SMC1B: variants seen among roughly 807,000 people sequenced by gnomAD.
The protein encoded by SMC1B is structural maintenance of chromosomes protein 1B.
In SMC1B, 60 loss-of-function variants were observed where a neutral mutation model predicts 157.9. That is an observed-to-expected ratio of 0.38 (90% CI 0.31 to 0.47). The LOEUF (loss-of-function observed/expected upper bound fraction) is 0.47. SMC1B is among the 20% of genes least tolerant of loss of function. The probability of loss-of-function intolerance (pLI) is 0.99; values close to 1 mark genes in which losing one functional copy is unlikely to be tolerated. For synonymous variants in SMC1B, 445 were observed against 483.0 expected (o/e 0.92, Z 1.03); for missense variants, 1,165 against 1,426.2 (o/e 0.82, Z 2.95).
At chr22:45,387,139 G>C in intron 10 of SMC1B, 93 bp from the exon 11 acceptor site, 1 of 1,100,218 alleles carries the variant, frequency 9.1e-7, no homozygotes, top group Non-Finnish European at 1.3e-6. Context: ...ATATACGCAT[G>C]GCAGCAAAAG....
chr22:45,406,944 A>G, intron 2 of SMC1B, 79 bp from the exon 3 acceptor site: 1 of 1,017,220 alleles, frequency 9.8e-7, no homozygotes, highest in Non-Finnish European at 1.4e-6. Flanking sequence ...GTTTAATAAA[A>G]TTATTTTTCT....
intron 1 of SMC1B, among the ~76,000 whole-genome samples, chr22:45,412,725 TC>T (rs2087358476): frequency 6.6e-6 from 1 of 152,084 alleles, no homozygotes; most frequent in African/African-American, 2.4e-5. Flanking sequence ...TCTCCAGACC[TC>T]AGTTTCCCCA....
chr22:45,397,605 T>G (rs1381422282), intron 6 of SMC1B, among the ~76,000 whole-genome samples: 5 of 152,194 alleles, frequency 3.3e-5, no homozygotes, highest in Non-Finnish European at 7.3e-5. Flanking sequence ...TGCTTACCTC[T>G]GATTGATCCC....
At chr22:45,350,883 T>C (rs2086609072) in intron 22 of SMC1B, among the ~76,000 whole-genome samples, 2 of 152,214 alleles carry the variant, frequency 1.3e-5, no homozygotes, top group Non-Finnish European at 2.9e-5. Context: ...ACCTTGATTG[T>C]GACCAGTCTC....
At chr22:45,386,573 AAACAAC>A (rs10694878) in intron 11 of SMC1B, among the ~76,000 whole-genome samples, 16 of 150,992 alleles carry the variant, frequency 1.1e-4, no homozygotes, top group African/African-American at 2.7e-4. Flanking sequence ...ATAAGGTTTA[AAACAAC>A]AACAACAACA....
chr22:45,406,901 T>C (rs760883421), intron 2 of SMC1B, 36 bp from the exon 3 acceptor site: 19 of 1,425,776 alleles, frequency 1.3e-5, no homozygotes, highest in Non-Finnish European at 8.5e-6. Flanking sequence ...AAAAAATATA[T>C]AAATACCAGA....
chr22:45,399,065 C>T (rs2146841228), intron 6 of SMC1B, 30 bp downstream of exon 6: 1 of 1,580,078 alleles, frequency 6.3e-7, no homozygotes, highest in East Asian at 2.2e-5. Context: ...AATAGAAACA[C>T]AAGATTTCCC....
rs576821321 is a variant in SMC1B at position 45,367,053 on chromosome 22, T to C, written c.2420+2901A>G. ...TTATTTTGGAGATCACCAAGTTTCC[T>C]TAAAACTTCTATTTTAAGTTCTTGA... On this transcript the variant is annotated intron_variant, in intron 15 of 24. Transcript: ENST00000357450. Among the ~76,000 whole-genome samples, 133 of 152,332 alleles carry C rather than the reference T, an allele frequency of 8.7e-4. 1 individual carries two copies. Among genetic ancestry groups the C allele is most frequent in the African/African-American group, 3.1e-3 (128 of 41,574 alleles).
chr22:45,383,534 C>G lies in SMC1B; in HGVS notation c.1991G>C (p.Arg664Thr), dbSNP rs757238581. The G allele has an allele frequency of 4.6e-5, 74 of 1,610,554 alleles. 1 individual carries two copies. The highest frequency in any genetic ancestry group is 5.8e-5 in the Non-Finnish European group (68 of 1,178,994). ...GGSSDLKYKA[R>T]CWDEKELKNL... Reference sequence around the variant, plus strand: ...CTTTAACTCTTTCTCATCCCAGCATCTAGCCTTGTATTTTAAGTCACTTGA... The same window carrying G: ...CTTTAACTCTTTCTCATCCCAGCATGTAGCCTTGTATTTTAAGTCACTTGA... Residue 664 changes from arginine to threonine, a missense_variant, in exon 12 of 25, where the codon AGA becomes ACA. Arg to Thr is a moderately conservative substitution (Grantham distance 71). Coordinates refer to ENST00000357450, the MANE Select transcript of SMC1B (RefSeq NM_148674.5).
chr22:45,371,615 A>T, intron 13 of SMC1B, 28 bp from the exon 14 acceptor site: 1 of 1,570,780 alleles, frequency 6.4e-7, no homozygotes, highest in African/African-American at 1.4e-5. Context: ...AAATTTTTTT[A>T]ACATGGCTGT....
At chr22:45,381,134 G>A (rs556693021) in intron 12 of SMC1B, among the ~76,000 whole-genome samples, 20 of 151,952 alleles carry the variant, frequency 1.3e-4, no homozygotes, top group African/African-American at 4.4e-4. Context: ...CTTTTTGTGC[G>A]CTGGGGATTG....
At chr22:45,355,176 G>T in intron 19 of SMC1B, 61 bp from the exon 20 acceptor site, 1 of 1,573,082 alleles carries the variant, frequency 6.4e-7, no homozygotes, top group South Asian at 1.1e-5. Context: ...CAGCAAGGTA[G>T]GGTGCGTGTG....
chr22:45,351,580 G>T (rs1401015255), intron 22 of SMC1B, among the ~76,000 whole-genome samples: 2 of 152,114 alleles, frequency 1.3e-5, no homozygotes, highest in Non-Finnish European at 2.9e-5. Flanking sequence ...ACAGAGTTTT[G>T]TTCTTTCACC....
Position 45,360,073 on chromosome 22 carries a change from G to A in SMC1B, c.2709-115C>T, listed in dbSNP as rs557636660. On this transcript the variant is annotated intron_variant, in intron 17 of 24. Coordinates refer to ENST00000357450, the MANE Select transcript of SMC1B (RefSeq NM_148674.5). ...AAAAGAATTATTTATTCCTGTGAGTGCTGTAAGTTCTAGAATCCTCTCATT... is the reference window on the plus strand; with the variant it reads ...AAAAGAATTATTTATTCCTGTGAGTACTGTAAGTTCTAGAATCCTCTCATT... 4 of 757,978 alleles carry A rather than the reference G, an allele frequency of 5.3e-6. No individual in the cohort carries two copies. The South Asian group carries it at 7.9e-5, about 15-fold the overall frequency. The allele number at this position is 757,978 out of a possible 1,614,324, so 47.0% of individuals were successfully genotyped here.
At chr22:45,367,043 C>A (rs948860533) in intron 15 of SMC1B, among the ~76,000 whole-genome samples, 2 of 152,162 alleles carry the variant, frequency 1.3e-5, no homozygotes, top group South Asian at 4.1e-4. Context: ...TTGGAGATCA[C>A]CAAGTTTCCT....
intron 14 of SMC1B, 125 bp downstream of exon 14, chr22:45,371,343 CATT>C (rs2086828877): frequency 7.5e-7 from 1 of 1,327,730 alleles, no homozygotes; most frequent in Admixed American, 3.3e-5. Context: ...TAGCTTACAA[CATT>C]GTTGTTTCTG....
At chr22:45,380,171 A>T (rs1284079838) in intron 12 of SMC1B, among the ~76,000 whole-genome samples, 1 of 152,174 alleles carries the variant, frequency 6.6e-6, no homozygotes. Context: ...ATTATTCCAT[A>T]GTCCCATCCA....
intron 12 of SMC1B, among the ~76,000 whole-genome samples, chr22:45,375,070 G>C (rs950363982): frequency 2.0e-5 from 3 of 152,218 alleles, no homozygotes; most frequent in Non-Finnish European, 2.9e-5. Context: ...AAAGGGAAAA[G>C]TCAAGCTGGG....
At chr22:45,388,986 C>CAAAAAAAAAAAAAAAA (rs371475132) in intron 10 of SMC1B, among the ~76,000 whole-genome samples, 16 of 54,350 alleles carry the variant, frequency 2.9e-4, no homozygotes, top group African/African-American at 3.8e-4. Flanking sequence ...GACTCTGCCT[C>CAAAAAAAAAAAAAAAA]AAAAAAAAAA....
Sources: gnomAD v4.1 joint callset for allele counts (sites outside exome capture counted in the v4.1 genomes callset) on GRCh38, gnomAD v4.1.1 for gene constraint, MANE v1.5 for transcripts, NCBI Gene and HGNC (gene_info 2026-07-23, HGNC 2026-07-21) for gene names.